Variants in PTPN3 observed in about 807,000 individuals in gnomAD.
The protein encoded by PTPN3 is tyrosine-protein phosphatase non-receptor type 3.
Under a neutral mutation model 132.7 loss-of-function variants are expected in PTPN3, and 96 were observed. The observed-to-expected ratio is 0.72, with a 90% CI of 0.61 to 0.86. PTPN3 has a LOEUF of 0.86. Ranked by LOEUF, PTPN3 falls within the 40% of genes least tolerant of loss-of-function variation. The pLI is 0.00. For missense variants in PTPN3, 1,125 were observed against 1,159.6 expected, an observed-to-expected ratio of 0.97 and a Z score of 0.43; for synonymous variants, 398 against 429.0, an observed-to-expected ratio of 0.93 and a Z score of 0.89.
At chr9:109,386,499 AAAAG>A (rs1839593126) in intron 22 of PTPN3, among the ~76,000 whole-genome samples, 1 of 152,314 alleles carries the variant, frequency 6.6e-6, no homozygotes, top group Non-Finnish European at 1.5e-5. Flanking sequence ...TGGTGAAAAG[AAAAG>A]AAAGAGGGAA....
chr9:109,382,330 C>T lies in PTPN3; in HGVS notation c.2500G>A (p.Asp834Asn). The change falls in exon 24 of 26, where the codon GAC becomes AAC. Residue 834 changes from aspartate (D) to asparagine (N), a missense_variant. Coordinates refer to ENST00000374541, the MANE Select transcript of PTPN3 (RefSeq NM_002829.4). ...FVNYVRSLRV[D>N]SEPVLVHCSA... Reference sequence around the variant, plus strand: ...CAGTGAACTAGGACGGGCTCGCTGTCCACTCTCAGAGACCTCACATAGTTT... The same window carrying T: ...CAGTGAACTAGGACGGGCTCGCTGTTCACTCTCAGAGACCTCACATAGTTT... 3 of 1,614,084 alleles carry T rather than the reference C, an allele frequency of 1.9e-6. No homozygotes were observed. Among genetic ancestry groups the T allele is most frequent in the Non-Finnish European group, 1.7e-6 (2 of 1,179,956 alleles).
In PTPN3 at chr9:109,406,544, G is replaced by T; in HGVS notation, c.1710C>A (p.His570Gln). The T allele has an allele frequency of 1.2e-6, 2 of 1,614,178 alleles. No homozygotes were observed. The highest frequency in any genetic ancestry group is 1.7e-6 in the Non-Finnish European group (2 of 1,180,032). The change falls in exon 18 of 26, where the codon CAC becomes CAA. Residue 570 changes from histidine (H) to glutamine (Q), a missense_variant. His to Gln is a conservative substitution (Grantham distance 24). Transcript: ENST00000374541. ...VLINGRDISE[H>Q]THDQVVMFIK... is the part of the protein sequence containing the mutation. ...TGAACATCACCACTTGGTCATGCGT[G>T]TGTTCTGAGATGTCCCGGCCATTGA...
chr9:109,431,722 G>A (rs369566560), intron 10 of PTPN3, among the ~76,000 whole-genome samples: 11 of 152,258 alleles, frequency 7.2e-5, no homozygotes, highest in East Asian at 5.8e-4. Context: ...CTACTTAAGC[G>A]TTTTCCTACA....
intron 1 of PTPN3, among the ~76,000 whole-genome samples, chr9:109,488,684 T>C (rs1167602652): frequency 1.3e-5 from 2 of 152,228 alleles, no homozygotes; most frequent in Non-Finnish European, 2.9e-5. Flanking sequence ...TGTATTTTCT[T>C]CTAGGCAGAA....
rs1315712992 is a variant in PTPN3, at chr9:109,391,153, A to G, written c.2091T>C (p.Asn697=). 16 of 1,613,436 alleles carry G rather than the reference A, an allele frequency of 9.9e-6. No homozygotes were observed. The highest frequency in any genetic ancestry group is 1.7e-5 in the Admixed American group (1 of 59,928). ...VLLQGNEDYI[N]ASYVNMEIPA... ...CCTAACTTACGTTCACGTAACTTGC[A>G]TTAATATAATCTTCATTTCCCTGCA... Residue 697 remains asparagine, a synonymous_variant, in exon 21 of 26, where the codon AAT becomes AAC. Coordinates refer to ENST00000374541, the MANE Select transcript of PTPN3 (RefSeq NM_002829.4).
intron 1 of PTPN3, among the ~76,000 whole-genome samples, chr9:109,487,872 A>T (rs1005699059): frequency 6.6e-6 from 1 of 152,228 alleles, no homozygotes; most frequent in Non-Finnish European, 1.5e-5. Context: ...ATTCTGAGAC[A>T]TGGGTACCAG....
At chr9:109,484,304 G>C (rs1847107976) in intron 1 of PTPN3, among the ~76,000 whole-genome samples, 1 of 152,204 alleles carries the variant, frequency 6.6e-6, no homozygotes, top group African/African-American at 2.4e-5. Context: ...GACCTTGTGA[G>C]GTGGAGACAC....
intron 1 of PTPN3, among the ~76,000 whole-genome samples, chr9:109,484,363 G>A (rs913763833): frequency 1.3e-5 from 2 of 152,174 alleles, no homozygotes; most frequent in Non-Finnish European, 2.9e-5. Flanking sequence ...CAGGAGGCTC[G>A]AGCAGGGCCC....
intron 22 of PTPN3, among the ~76,000 whole-genome samples, chr9:109,388,416 A>C (rs1263351228): frequency 6.6e-6 from 1 of 152,212 alleles, no homozygotes; most frequent in Admixed American, 6.5e-5. Flanking sequence ...CTAATGCAGG[A>C]AACTGACAAA....
chr9:109,531,196 G>T, the PTPN3 span, among the ~76,000 whole-genome samples: 1 of 152,192 alleles, frequency 6.6e-6, no homozygotes, highest in East Asian at 1.9e-4. Flanking sequence ...ATGTCATCTC[G>T]ATCTAACCCC....
chr9:109,416,801 G>C (rs1240220371), intron 14 of PTPN3, among the ~76,000 whole-genome samples: 1 of 152,150 alleles, frequency 6.6e-6, no homozygotes, highest in Non-Finnish European at 1.5e-5. Flanking sequence ...CATGGAAGAA[G>C]GCAGGCTCTA....
the PTPN3 span, among the ~76,000 whole-genome samples, chr9:109,515,271 C>A: frequency 2.0e-5 from 3 of 152,130 alleles, no homozygotes; most frequent in Non-Finnish European, 4.4e-5. Context: ...GCAATCTGCC[C>A]ACCTCAGCCT....
the PTPN3 span, among the ~76,000 whole-genome samples, chr9:109,522,538 A>G: frequency 3.3e-5 from 5 of 152,320 alleles, no homozygotes; most frequent in African/African-American, 1.2e-4. Flanking sequence ...ATAAATGTAT[A>G]TTTATTTATA....
intron 4 of PTPN3, among the ~76,000 whole-genome samples, chr9:109,456,337 C>A (rs1164570434): frequency 3.9e-5 from 6 of 152,204 alleles, no homozygotes; most frequent in African/African-American, 1.4e-4. Context: ...CTAAAGGCAA[C>A]TAACACAGAT....
intron 1 of PTPN3, among the ~76,000 whole-genome samples, chr9:109,467,309 G>A (rs1846147901): frequency 2.0e-5 from 3 of 151,840 alleles, no homozygotes; most frequent in Admixed American, 1.3e-4. Flanking sequence ...TTTCAAGTTG[G>A]TTTTAGTGGG....
intron 22 of PTPN3, among the ~76,000 whole-genome samples, chr9:109,384,161 T>C (rs1439795452): frequency 6.6e-6 from 1 of 152,032 alleles, no homozygotes; most frequent in East Asian, 1.9e-4. Context: ...GGCGTGGGTG[T>C]GCAGTACTTA....
intron 10 of PTPN3, among the ~76,000 whole-genome samples, chr9:109,429,513 T>G (rs935761970): frequency 6.6e-6 from 1 of 152,242 alleles, no homozygotes; most frequent in Non-Finnish European, 1.5e-5. Context: ...ATTAAAAACA[T>G]AACTTTTAAA....
rs1564441784 is a variant in PTPN3, at chr9:109,438,109, CT to C, written c.587+4del. 6.2e-7 allele frequency: 1 copy of C among 1,612,482 alleles called. No homozygotes were observed. The highest frequency in any genetic ancestry group is 8.5e-7 in the Non-Finnish European group (1 of 1,179,346). On this transcript the variant is annotated splice_donor_region_variant and intron_variant, in intron 8 of 25. Transcript: ENST00000374541. ...CCCAAAGTAGGCCACCCCAGCCCCC[CT>C]CACCTGTGCTGCTCATGCAGAGATT...
chr9:109,488,017 G>T (rs1197319076), intron 1 of PTPN3, among the ~76,000 whole-genome samples: 1 of 151,982 alleles, frequency 6.6e-6, no homozygotes, highest in African/African-American at 2.4e-5. Flanking sequence ...TGTGTGACAT[G>T]CTCTGTCCTG....
Sources: gnomAD v4.1 joint callset for allele counts (sites outside exome capture counted in the v4.1 genomes callset) on GRCh38, gnomAD v4.1.1 for gene constraint, MANE v1.5 for transcripts, NCBI Gene and HGNC (gene_info 2026-07-23, HGNC 2026-07-21) for gene names.